Variants in PSMA1 observed in about 807,000 individuals in gnomAD.
The protein encoded by PSMA1 is proteasome subunit alpha type-1.
A neutral mutation model predicts 38.4 loss-of-function variants in PSMA1; 3 were observed. The observed-to-expected ratio is 0.08, with a 90% confidence interval of 0.04 to 0.20. PSMA1 has a LOEUF of 0.20. PSMA1 is among the 10% of genes least tolerant of loss of function. PSMA1 has a pLI of 1.00. For synonymous variants in PSMA1, 101 were observed against 107.1 expected (o/e 0.94, Z 0.35); for missense variants, 227 against 325.3 (o/e 0.70, Z 2.32).
rs1350603476 is a variant in PSMA1, at chr11:14,504,963, T to C, written c.*229A>G. 5.9e-6 allele frequency: 3 copies of C among 505,074 alleles called. No individual in the cohort carries two copies. The highest frequency in any genetic ancestry group is 1.9e-5 in the African/African-American group (1 of 52,364). The allele number at this position is 505,074 out of a possible 1,614,324, so 31.3% of individuals were successfully genotyped here. A position where few individuals can be genotyped will look rare whatever the true frequency, so the allele number is the denominator to read the frequency against. On this transcript the variant is annotated 3_prime_UTR_variant, in exon 10 of 10. Transcript: ENST00000396394. ...CTTCATATAAAAACATTAGTATAGA[T>C]ACCCATACTTTCTAGAAAATGATTA... is the stretch of plus-strand genomic sequence containing the variant.
At chr11:14,540,936 T>C (rs958381049) in intron 2 of PSMA1, among the ~76,000 whole-genome samples, 13 of 151,124 alleles carry the variant, frequency 8.6e-5, no homozygotes, top group Admixed American at 7.9e-4. Flanking sequence ...CCAGGGCCTG[T>C]TGTGGGGTGG....
At chr11:14,545,610 G>C (rs997121633) in intron 2 of PSMA1, among the ~76,000 whole-genome samples, 5 of 152,148 alleles carry the variant, frequency 3.3e-5, no homozygotes, top group African/African-American at 1.2e-4. Flanking sequence ...ATGGCTTCCA[G>C]CTCCATCTAT....
At chr11:14,518,187 T>C (rs917387832) in intron 2 of PSMA1, among the ~76,000 whole-genome samples, 2 of 151,882 alleles carry the variant, frequency 1.3e-5, no homozygotes, top group Non-Finnish European at 2.9e-5. Context: ...GTACAACCTC[T>C]GCCTCCTAGG....
In PSMA1 at chr11:14,562,961, A is replaced by G. The variant is rs138042265; in HGVS notation, c.22-43920T>C. Among the ~76,000 whole-genome samples, 3 of 152,244 alleles carry G rather than the reference A, an allele frequency of 2.0e-5. No individual in the cohort carries two copies. In the East Asian group the frequency reaches 5.8e-4, roughly 29 times the overall value. On this transcript the variant is annotated intron_variant, in intron 2 of 10. Coordinates refer to the PSMA1 transcript ENST00000418988. ...TAATTATCATTGCATTAAATCTATG[A>G]ATTAATATGGAAAGTGTTATTATGT... is the stretch of plus-strand genomic sequence containing the variant.
intron 1 of PSMA1, among the ~76,000 whole-genome samples, chr11:14,630,006 A>G (rs1852977828): frequency 6.6e-6 from 1 of 152,110 alleles, no homozygotes; most frequent in Admixed American, 6.5e-5. Flanking sequence ...ATTTTTGTAC[A>G]TTGATTTTGT....
At chr11:14,521,787 A>T (rs983081680), upstream of PSMA1, among the ~76,000 whole-genome samples, 6 of 147,508 alleles carry the variant, frequency 4.1e-5, no homozygotes, top group Admixed American at 3.4e-4. Flanking sequence ...AACAAAAAAC[A>T]AAGTACTAAA....
At chr11:14,525,805 C>T (rs1436298485) in intron 2 of PSMA1, among the ~76,000 whole-genome samples, 1 of 152,202 alleles carries the variant, frequency 6.6e-6, no homozygotes, top group Non-Finnish European at 1.5e-5. Flanking sequence ...CAGCAGCTTA[C>T]CTGGGCTGTG....
At chr11:14,604,257 T>A (rs895597837) in intron 2 of PSMA1, among the ~76,000 whole-genome samples, 12 of 152,180 alleles carry the variant, frequency 7.9e-5, no homozygotes, top group African/African-American at 2.9e-4. Flanking sequence ...AGACAGGGTT[T>A]CACTATGTTG....
intron 2 of PSMA1, among the ~76,000 whole-genome samples, chr11:14,529,087 A>G (rs1851618437): frequency 6.6e-6 from 1 of 151,488 alleles, no homozygotes; most frequent in Non-Finnish European, 1.5e-5. Context: ...TTTGCAATGA[A>G]CTATGATCAG....
intron 2 of PSMA1, among the ~76,000 whole-genome samples, chr11:14,555,260 C>T (rs908118713): frequency 6.6e-6 from 1 of 152,180 alleles, no homozygotes; most frequent in Non-Finnish European, 1.5e-5. Flanking sequence ...TTTATGCTTG[C>T]TGCTAAAAAG....
chr11:14,602,587 A>C (rs1014971794), intron 2 of PSMA1, among the ~76,000 whole-genome samples: 1 of 151,832 alleles, frequency 6.6e-6, no homozygotes, highest in African/African-American at 2.4e-5. Context: ...TGATGGGAGG[A>C]GTAGAAAGTC....
Position 14,514,950 on chromosome 11 carries a change from C to T in PSMA1, c.255-459G>A, listed in dbSNP as rs557045930. 5.9e-5 allele frequency among the ~76,000 whole-genome samples: 9 copies of T among 152,296 alleles called. No homozygotes were observed. In the South Asian group the frequency reaches 6.2e-4, roughly 11 times the overall value. On this transcript the variant is annotated intron_variant, in intron 4 of 9. Transcript: ENST00000396394. ...CAGCAGGGGGGATCTTTACGTGTTT[C>T]TGCCACTGTTACTTCTATTCATAAG...
At chr11:14,590,204 A>G (rs1447293635) in intron 2 of PSMA1, among the ~76,000 whole-genome samples, 1 of 152,216 alleles carries the variant, frequency 6.6e-6, no homozygotes, top group Admixed American at 6.5e-5. Context: ...GAAGATGGGA[A>G]GTTATTTAAT....
At chr11:14,541,816 G>A (rs1049152477) in intron 2 of PSMA1, among the ~76,000 whole-genome samples, 10 of 152,194 alleles carry the variant, frequency 6.6e-5, no homozygotes, top group South Asian at 4.1e-4. Context: ...GCATCAGGGC[G>A]GATAGTTTAT....
At chr11:14,594,336 C>T (rs1421467964) in intron 2 of PSMA1, among the ~76,000 whole-genome samples, 3 of 150,960 alleles carry the variant, frequency 2.0e-5, no homozygotes, top group African/African-American at 7.3e-5. Flanking sequence ...AGGAGCACTA[C>T]AACAGTGGGA....
At chr11:14,608,534 A>G (rs1590009394) in intron 2 of PSMA1, among the ~76,000 whole-genome samples, 1 of 150,420 alleles carries the variant, frequency 6.6e-6, no homozygotes, top group Non-Finnish European at 1.5e-5. Context: ...AACGTTGTGC[A>G]CATGTACCCT....
chr11:14,552,943 C>T (rs974011641), intron 2 of PSMA1, among the ~76,000 whole-genome samples: 7 of 151,152 alleles, frequency 4.6e-5, no homozygotes, highest in Non-Finnish European at 8.8e-5. Flanking sequence ...CCCTACACCT[C>T]AGCCTCCCTA....
At chr11:14,576,291 C>T (rs561661646) in intron 2 of PSMA1, among the ~76,000 whole-genome samples, 11 of 152,236 alleles carry the variant, frequency 7.2e-5, no homozygotes, top group African/African-American at 2.6e-4. Context: ...TAATTAGATC[C>T]CATTTGTCAA....
At chr11:14,591,072 G>A (rs990029381) in intron 2 of PSMA1, among the ~76,000 whole-genome samples, 14 of 152,336 alleles carry the variant, frequency 9.2e-5, no homozygotes, top group African/African-American at 2.4e-4. Flanking sequence ...GGAGAGGCGC[G>A]AGCGGGAACC....
Sources: gnomAD v4.1 joint callset for allele counts (sites outside exome capture counted in the v4.1 genomes callset) on GRCh38, gnomAD v4.1.1 for gene constraint, MANE v1.5 for transcripts, NCBI Gene and HGNC (gene_info 2026-07-23, HGNC 2026-07-21) for gene names.